Variants in GOLGA8N observed in about 807,000 individuals in gnomAD.
GOLGA8N encodes the protein golgin subfamily A member 8N.
In GOLGA8N, 2 loss-of-function variants were observed where a neutral mutation model predicts 22.0. The observed-to-expected ratio is 0.09, with a 90% CI of 0.04 to 0.29. The LOEUF (loss-of-function observed/expected upper bound fraction) is 0.29. GOLGA8N is among the 10% of genes least tolerant of loss of function. The probability of loss-of-function intolerance (pLI) is 1.00; values close to 1 mark genes in which losing one functional copy is unlikely to be tolerated. For synonymous variants in GOLGA8N, 2 were observed against 58.7 expected (o/e 0.03, Z 4.41); for missense variants, 10 against 164.7 (o/e 0.06, Z 5.14).
In GOLGA8N at chr15:32,598,096, G is replaced by A. The variant is rs768613037; in HGVS notation, c.510G>A (p.Leu170=). ...AGTCCAAGGACCTGGCTGTCCGTCT[G>A]CAACATTCATTGCAGTGTAAAGGAG... The change falls in exon 8 of 19, where the codon CTG becomes CTA. Residue 170 remains leucine (L), a synonymous_variant. Transcript: ENST00000448387. The A allele has an allele frequency of 1.4e-4, 176 of 1,276,962 alleles. 39 individuals are homozygous for A. The highest frequency in any genetic ancestry group is 3.0e-5 in the Non-Finnish European group (29 of 957,478). The allele number at this position is 1,276,962 out of a possible 1,614,324, so 79.1% of individuals were successfully genotyped here. A position where few individuals can be genotyped will look rare whatever the true frequency, so the allele number is the denominator to read the frequency against.
chr15:32,607,117 T>C (rs1219097106), exon 19 of GOLGA8N: 1 of 152,190 alleles, frequency 6.6e-6, no homozygotes, highest in East Asian at 1.9e-4. Flanking sequence ...TATTGACTGC[T>C]GGTGTGATGC....
intron 9 of GOLGA8N, 50 bp downstream of exon 9, chr15:32,599,363 C>CAGGAGCAGGTG: frequency 4.5e-6 from 1 of 223,114 alleles, no homozygotes; most frequent in Non-Finnish European, 7.9e-6. Flanking sequence ...CCCAGGTGGC[C>CAGGAGCAGGTG]AGGAGCAGGT....
chr15:32,606,415 T>G, exon 19 of GOLGA8N: 1 of 139,904 alleles, frequency 7.1e-6, no homozygotes, highest in Non-Finnish European at 1.5e-5. Flanking sequence ...TACCACTCTT[T>G]GTGTAGGTAT....
chr15:32,597,614 C>G, intron 5 of GOLGA8N, 125 bp downstream of exon 5: 2 of 1,587,682 alleles, frequency 1.3e-6, no homozygotes, highest in Non-Finnish European at 1.7e-6. Context: ...AGATTCCACC[C>G]CATCCCCACA....
rs2052853596 is a variant in GOLGA8N, at chr15:32,598,538, G to C, written c.591+361G>C. Among the ~76,000 whole-genome samples, 2 of 4,502 alleles carry C rather than the reference G, an allele frequency of 4.4e-4. 1 individual carries two copies. The highest frequency in any genetic ancestry group is 6.4e-4 in the Non-Finnish European group (2 of 3,134). The allele number at this position is 4,502 out of a possible 152,430, so 3.0% of individuals were successfully genotyped here. The stretch of plus-strand genomic sequence containing the variant: ...TACCATTTCTGTAGAAAGAGGAAAC[G>C]TGTGTGCGTTGTGTGTGTGTGTGTG... On this transcript the variant is annotated intron_variant, in intron 8 of 18. Coordinates refer to ENST00000448387, the Ensembl canonical transcript of GOLGA8N.
exon 19 of GOLGA8N, chr15:32,606,690 G>A (rs1358852422): frequency 6.7e-6 from 1 of 148,436 alleles, no homozygotes; most frequent in Admixed American, 6.7e-5. Context: ...CCTATTTAAA[G>A]ATGGCAATAT....
In GOLGA8N at chr15:32,598,083, T is replaced by A; in HGVS notation, c.497T>A (p.Leu166Gln). The change falls in exon 8 of 19, where the codon CTG (leucine) becomes CAG (glutamine). Residue 166 changes from leucine to glutamine, a missense_variant. Transcript: ENST00000448387. ...CTCATTACAGAAGAGTCCAAGGACCTGGCTGTCCGTCTGCAACATTCATTG... is the reference window on the plus strand; with the variant it reads ...CTCATTACAGAAGAGTCCAAGGACCAGGCTGTCCGTCTGCAACATTCATTG... 5 of 1,279,076 alleles carry A rather than the reference T, an allele frequency of 3.9e-6. 1 individual carries two copies. Among genetic ancestry groups the A allele is most frequent in the Non-Finnish European group, 5.2e-6 (5 of 958,822 alleles). 79.2% of individuals were successfully genotyped at this position (1,279,076 alleles called of 1,614,324 possible). A position where few individuals can be genotyped will look rare whatever the true frequency, so the allele number is the denominator to read the frequency against.
At chr15:32,595,777 C>CA (rs1186195961) in intron 2 of GOLGA8N, among the ~76,000 whole-genome samples, 25,768 of 50,012 alleles carry the variant, frequency 0.52, 7,575 homozygotes, top group Middle Eastern at 0.6. Flanking sequence ...GACTCTGTCT[C>CA]AAAAAAAAAA....
chr15:32,593,554 A>G (rs2052782698), exon 1 of GOLGA8N: 1 of 1,575,858 alleles, frequency 6.3e-7, no homozygotes. Flanking sequence ...CCACCCTGCG[A>G]TGGCAGAAGA....
Position 32,598,088 on chromosome 15 carries a change from G to A in GOLGA8N, c.502G>A (p.Val168Ile), listed in dbSNP as rs1258317789. 9.4e-6 allele frequency: 12 copies of A among 1,279,002 alleles called. 2 individuals are homozygous for A. The highest frequency in any genetic ancestry group is 7.2e-5 in the Admixed American group (3 of 41,942). The allele number at this position is 1,279,002 out of a possible 1,614,324, so 79.2% of individuals were successfully genotyped here. A position where few individuals can be genotyped will look rare whatever the true frequency, so the allele number is the denominator to read the frequency against. Residue 168 changes from valine (V) to isoleucine (I), a missense_variant, in exon 8 of 19, where the codon GTC becomes ATC. Physicochemically the swap from Val to Ile is conservative, Grantham distance 29 (BLOSUM62 3). Around this residue, in one of 3 missense-constraint regions of GOLGA8N, gnomAD observed 9 missense variants for 30.5 expected, o/e 0.30. Coordinates refer to ENST00000448387, the Ensembl canonical transcript of GOLGA8N. ...TACAGAAGAGTCCAAGGACCTGGCT[G>A]TCCGTCTGCAACATTCATTGCAGTG...
At chr15:32,605,297 G>C (rs577807119) in exon 19 of GOLGA8N, 1 of 148,906 alleles carries the variant, frequency 6.7e-6, no homozygotes, top group South Asian at 2.2e-4. Context: ...AGTTTTAGTA[G>C]ATGGTATTAT....
At chr15:32,595,820 C>G (rs2052816081) in intron 2 of GOLGA8N, among the ~76,000 whole-genome samples, 3 of 149,646 alleles carry the variant, frequency 2.0e-5, no homozygotes, top group East Asian at 3.9e-4. Context: ...TCCTGCCTCT[C>G]CATCTGCTCT....
At chr15:32,598,294 C>A in intron 8 of GOLGA8N, 117 bp downstream of exon 8, 6 of 519,458 alleles carry the variant, frequency 1.2e-5, no homozygotes, top group Non-Finnish European at 1.3e-5. Flanking sequence ...ATGGCCATTT[C>A]TTGCTACTTT....
chr15:32,605,200 C>T (rs1419304308), exon 19 of GOLGA8N: 1 of 128,852 alleles, frequency 7.8e-6, no homozygotes, highest in African/African-American at 3.0e-5. Flanking sequence ...TAGGAATTTA[C>T]TTCTTTTTCT....
chr15:32,606,329 C>G (rs2052933384), exon 19 of GOLGA8N: 1 of 113,012 alleles, frequency 8.8e-6, no homozygotes, highest in Admixed American at 9.7e-5. Context: ...CATGAGGTGC[C>G]TATGGATTAA....
At chr15:32,606,729 C>G (rs1206954931) in exon 19 of GOLGA8N, 1 of 145,118 alleles carries the variant, frequency 6.9e-6, no homozygotes, top group Non-Finnish European at 1.5e-5. Context: ...GTATTTGATT[C>G]AACCTAATTT....
At chr15:32,598,698 T>G (rs1595745089) in intron 8 of GOLGA8N, among the ~76,000 whole-genome samples, 1 of 55,562 alleles carries the variant, frequency 1.8e-5, no homozygotes, top group African/African-American at 6.6e-5. Flanking sequence ...TTATCATCCT[T>G]TCAAAAAGTG....
At chr15:32,605,374 CTGT>C (rs1448780312) in exon 19 of GOLGA8N, 3 of 126,566 alleles carry the variant, frequency 2.4e-5, no homozygotes, top group Non-Finnish European at 3.3e-5. Flanking sequence ...GTGCAATCTA[CTGT>C]TGTTCGTGAA....
intron 5 of GOLGA8N, 39 bp downstream of exon 5, chr15:32,597,528 T>C: frequency 6.4e-7 from 1 of 1,565,424 alleles, no homozygotes; most frequent in Middle Eastern, 1.9e-4. Flanking sequence ...GACTGCTGGG[T>C]TTGGGGGGCA....
Sources: gnomAD v4.1 joint callset for allele counts (sites outside exome capture counted in the v4.1 genomes callset) on GRCh38, gnomAD v4.1.1 for gene constraint, gnomAD v4.1.1 regional missense constraint, MANE v1.5 for transcripts, NCBI Gene and HGNC (gene_info 2026-07-23, HGNC 2026-07-21) for gene names.